The following BLOC1S5 variants were observed in gnomAD, a reference collection of about 807,000 sequenced individuals.
BLOC1S5 encodes biogenesis of lysosomal organelles complex 1 subunit 5.
Under a neutral mutation model 24.3 loss-of-function variants are expected in BLOC1S5, and 27 were observed. The observed-to-expected ratio is 1.11, with a 90% CI of 0.82 to 1.53. The LOEUF (loss-of-function observed/expected upper bound fraction) is 1.53, where lower values mean the gene tolerates loss of function less well. BLOC1S5 is among the 40% of genes most tolerant of loss of function. The pLI is 0.00. For synonymous variants in BLOC1S5, 84 were observed against 74.5 expected, an observed-to-expected ratio of 1.13 and a Z score of -0.66; for missense variants, 239 against 229.4, an observed-to-expected ratio of 1.04 and a Z score of -0.27.
chr6:8,047,199 C>CACACACACACAG (rs796826479), intron 2 of BLOC1S5, among the ~76,000 whole-genome samples: 45 of 112,626 alleles, frequency 4.0e-4, no homozygotes, highest in Non-Finnish European at 5.9e-4. Flanking sequence ...CACACACACA[C>CACACACACACAG]AGTCAACAGT....
chr6:8,045,808 T>C (rs528644026), intron 2 of BLOC1S5, among the ~76,000 whole-genome samples: 6 of 152,364 alleles, frequency 3.9e-5, no homozygotes, highest in Middle Eastern at 3.4e-3. Context: ...ACCCAATACC[T>C]GTAACCCCAT....
At chr6:8,050,793 C>T (rs954800885) in intron 2 of BLOC1S5, among the ~76,000 whole-genome samples, 29 of 151,704 alleles carry the variant, frequency 1.9e-4, no homozygotes, top group Middle Eastern at 6.8e-3. Flanking sequence ...TTAGTAGAGA[C>T]GGGGTTTCGC....
chr6:8,027,321 A>C (rs1447753655), intron 3 of BLOC1S5: 1 of 456,166 alleles, frequency 2.2e-6, no homozygotes, highest in Non-Finnish European at 4.4e-6. Flanking sequence ...TTCATTTGAC[A>C]AATGTTTACT....
intron 4 of BLOC1S5, among the ~76,000 whole-genome samples, chr6:8,016,310 AG>A (rs1054901817): frequency 7.3e-5 from 11 of 150,074 alleles, no homozygotes; most frequent in African/African-American, 2.2e-4. Flanking sequence ...TGGGTGACAG[AG>A]TGAGACTCCG....
chr6:8,022,654 G>T (rs1170023201), intron 4 of BLOC1S5, among the ~76,000 whole-genome samples: 1 of 126,842 alleles, frequency 7.9e-6, no homozygotes, highest in Non-Finnish European at 1.5e-5. Context: ...GCGGGATCTC[G>T]GCTCACTGCA....
intron 3 of BLOC1S5, among the ~76,000 whole-genome samples, chr6:8,027,846 A>G (rs1763162513): frequency 6.6e-6 from 1 of 151,766 alleles, no homozygotes; most frequent in Non-Finnish European, 1.5e-5. Context: ...AAAATACAAT[A>G]AGCAATCAAG....
At chr6:8,051,184 CAA>C (rs35217854) in intron 2 of BLOC1S5, among the ~76,000 whole-genome samples, 1 of 139,994 alleles carries the variant, frequency 7.1e-6, no homozygotes, top group Non-Finnish European at 1.5e-5. Context: ...GATTCCATCT[CAA>C]AAAAAAAAAA....
intron 4 of BLOC1S5, among the ~76,000 whole-genome samples, chr6:8,020,048 A>T (rs1762868730): frequency 6.6e-6 from 1 of 152,242 alleles, no homozygotes; most frequent in Non-Finnish European, 1.5e-5. Context: ...TGACATCACC[A>T]TATTCACCAT....
chr6:8,056,060 C>CT (rs1219973703), intron 2 of BLOC1S5, among the ~76,000 whole-genome samples: 1 of 152,182 alleles, frequency 6.6e-6, no homozygotes, highest in Non-Finnish European at 1.5e-5. Flanking sequence ...TCTCTCTTAA[C>CT]TTTTCTTACC....
In BLOC1S5 at chr6:8,021,420, G is replaced by A. The variant is rs922707092; in HGVS notation, c.384+4947C>T. 3.3e-5 allele frequency among the ~76,000 whole-genome samples: 5 copies of A among 152,134 alleles called. 1 individual carries two copies. Among genetic ancestry groups the A allele is most frequent in the Admixed American group, 1.3e-4 (2 of 15,266 alleles). The stretch of plus-strand genomic sequence containing the variant: ...TCGAGACCAGCCTGGCCAACATGGC[G>A]AAACCCTGTCTTTACTGAAAATACA... On this transcript the variant is annotated intron_variant, in intron 4 of 4. Coordinates refer to ENST00000397457, the MANE Select transcript of BLOC1S5 (RefSeq NM_201280.3).
intron 3 of BLOC1S5, among the ~76,000 whole-genome samples, chr6:8,039,902 C>T (rs1233176481): frequency 6.6e-6 from 1 of 152,138 alleles, no homozygotes; most frequent in Admixed American, 6.5e-5. Context: ...TATTGAAAGG[C>T]GTGATTCTGT....
chr6:8,057,502 G>A (rs75700891), intron 2 of BLOC1S5, among the ~76,000 whole-genome samples: 1,757 of 152,282 alleles, frequency 0.012, 34 homozygotes, highest in African/African-American at 0.04. Flanking sequence ...TAATCTGATA[G>A]CATTAGAGAG....
intron 2 of BLOC1S5, among the ~76,000 whole-genome samples, chr6:8,045,015 T>C (rs541100953): frequency 1.3e-5 from 2 of 152,252 alleles, no homozygotes; most frequent in South Asian, 4.1e-4. Flanking sequence ...CCCAAGACAA[T>C]GGGGAAAATG....
chr6:8,028,071 A>G (rs1763169190), intron 3 of BLOC1S5, among the ~76,000 whole-genome samples: 1 of 152,086 alleles, frequency 6.6e-6, no homozygotes, highest in Non-Finnish European at 1.5e-5. Context: ...ATTTATTAAT[A>G]TCTTGCCTTT....
intron 3 of BLOC1S5, among the ~76,000 whole-genome samples, chr6:8,034,646 G>A (rs1763424480): frequency 6.6e-6 from 1 of 152,060 alleles, no homozygotes; most frequent in Non-Finnish European, 1.5e-5. Context: ...AAGAATTGAT[G>A]TTGGTGTGGA....
At chr6:8,018,286 C>T (rs1411625617) in intron 4 of BLOC1S5, among the ~76,000 whole-genome samples, 1 of 152,138 alleles carries the variant, frequency 6.6e-6, no homozygotes, top group East Asian at 1.9e-4. Context: ...CTGTTACAGT[C>T]TAAGAGAAAA....
intron 2 of BLOC1S5, among the ~76,000 whole-genome samples, chr6:8,060,518 T>TA (rs561800488): frequency 1.1e-4 from 17 of 152,268 alleles, no homozygotes; most frequent in Admixed American, 2.6e-4. Context: ...TTCACAGAGA[T>TA]AAGACTGAAA....
chr6:8,053,204 CTTAG>C (rs1402437261), intron 2 of BLOC1S5, among the ~76,000 whole-genome samples: 1 of 152,144 alleles, frequency 6.6e-6, no homozygotes, highest in African/African-American at 2.4e-5. Context: ...ATTATATAGA[CTTAG>C]TTAATAAAGC....
chr6:8,030,765 C>T (rs1330461468), intron 3 of BLOC1S5, among the ~76,000 whole-genome samples: 3 of 150,514 alleles, frequency 2.0e-5, no homozygotes, highest in Middle Eastern at 3.4e-3. Context: ...CCAGCTAGTC[C>T]GGAGGCTGAG....
Sources: gnomAD v4.1 joint callset for allele counts (sites outside exome capture counted in the v4.1 genomes callset) on GRCh38, gnomAD v4.1.1 for gene constraint, MANE v1.5 for transcripts, NCBI Gene and HGNC (gene_info 2026-07-23, HGNC 2026-07-21) for gene names.